NKAIN3: variants seen among roughly 807,000 people sequenced by gnomAD.
The protein encoded by NKAIN3 is sodium/potassium-transporting ATPase subunit beta-1-interacting protein 3.
In NKAIN3, 25 loss-of-function variants were observed where a neutral mutation model predicts 30.2. That is an observed-to-expected ratio of 0.83 (90% CI 0.60 to 1.16). The LOEUF (loss-of-function observed/expected upper bound fraction) is 1.16. Ranked by LOEUF, NKAIN3 falls within the 50% of genes most tolerant of loss-of-function variation. The pLI is 0.00. For synonymous variants in NKAIN3, 91 were observed against 89.6 expected (o/e 1.02, Z -0.09); for missense variants, 225 against 254.1 (o/e 0.89, Z 0.78).
intron 4 of NKAIN3, among the ~76,000 whole-genome samples, chr8:62,871,980 C>T (rs755959929): frequency 1.1e-4 from 17 of 152,172 alleles, no homozygotes; most frequent in Non-Finnish European, 8.8e-5. Context: ...AATGACAAAC[C>T]ACATATACAA....
intron 4 of NKAIN3, among the ~76,000 whole-genome samples, chr8:62,918,016 G>T (rs1822159701): frequency 6.6e-6 from 1 of 152,140 alleles, no homozygotes; most frequent in African/African-American, 2.4e-5. Flanking sequence ...AAATAATTAA[G>T]TAGATGATTG....
At chr8:62,364,009 G>A (rs1816647182) in intron 1 of NKAIN3, among the ~76,000 whole-genome samples, 1 of 152,070 alleles carries the variant, frequency 6.6e-6, no homozygotes, top group African/African-American at 2.4e-5. Context: ...GGGTGAAATG[G>A]TTACCCAGAA....
chr8:62,539,187 T>C (rs909387064), intron 1 of NKAIN3, among the ~76,000 whole-genome samples: 1 of 152,200 alleles, frequency 6.6e-6, no homozygotes, highest in African/African-American at 2.4e-5. Context: ...TCCATTCCTT[T>C]TGAGCTTGAA....
chr8:62,629,820 C>T (rs540533295), intron 3 of NKAIN3, among the ~76,000 whole-genome samples: 1 of 152,140 alleles, frequency 6.6e-6, no homozygotes, highest in South Asian at 2.1e-4. Context: ...TTTCATTAAG[C>T]ATATGAATTT....
chr8:62,858,766 G>A (rs536072805), intron 4 of NKAIN3, among the ~76,000 whole-genome samples: 123 of 152,340 alleles, frequency 8.1e-4, no homozygotes, highest in Middle Eastern at 3.4e-3. Context: ...CTCCCCTCAG[G>A]GCCCCATTTC....
At chr8:62,339,932 G>A (rs765609186) in intron 1 of NKAIN3, among the ~76,000 whole-genome samples, 3 of 151,916 alleles carry the variant, frequency 2.0e-5, no homozygotes, top group Non-Finnish European at 2.9e-5. Flanking sequence ...GAGAGAAATG[G>A]GTCTCAACTG....
chr8:62,591,298 C>G (rs1563473768), intron 3 of NKAIN3, among the ~76,000 whole-genome samples: 3 of 151,846 alleles, frequency 2.0e-5, no homozygotes, highest in Admixed American at 2.0e-4. Flanking sequence ...GAGTCCAAAT[C>G]TGGTCTTCAG....
At chr8:62,552,503 A>G (rs1172145907) in intron 1 of NKAIN3, among the ~76,000 whole-genome samples, 1 of 152,226 alleles carries the variant, frequency 6.6e-6, no homozygotes, top group African/African-American at 2.4e-5. Context: ...TAATGAGTGA[A>G]GGAGCATCCA....
intron 4 of NKAIN3, among the ~76,000 whole-genome samples, chr8:62,869,926 C>T (rs943864168): frequency 1.3e-5 from 2 of 152,016 alleles, no homozygotes; most frequent in South Asian, 2.1e-4. Flanking sequence ...CTCGCCACCA[C>T]GCCCAGCTAA....
intron 1 of NKAIN3, among the ~76,000 whole-genome samples, chr8:62,558,728 TG>T (rs1278120024): frequency 2.0e-5 from 3 of 152,036 alleles, no homozygotes; most frequent in African/African-American, 7.2e-5. Flanking sequence ...CCTGCACACT[TG>T]GGTTTATTTT....
At chr8:62,521,772 A>C (rs1050985527) in intron 1 of NKAIN3, among the ~76,000 whole-genome samples, 25 of 152,202 alleles carry the variant, frequency 1.6e-4, no homozygotes, top group African/African-American at 6.0e-4. Flanking sequence ...AATTCAAGAA[A>C]GAATGATTCT....
At chr8:62,566,036 C>T (rs915930164) in intron 1 of NKAIN3, among the ~76,000 whole-genome samples, 2 of 152,174 alleles carry the variant, frequency 1.3e-5, no homozygotes, top group Non-Finnish European at 2.9e-5. Flanking sequence ...GTCAATCCAT[C>T]ATCCTTGTAA....
At chr8:62,774,260 C>T (rs1396099503) in intron 4 of NKAIN3, among the ~76,000 whole-genome samples, 1 of 152,060 alleles carries the variant, frequency 6.6e-6, no homozygotes, top group African/African-American at 2.4e-5. Flanking sequence ...GATTTTGTAT[C>T]CTGCAACTTT....
intron 4 of NKAIN3, among the ~76,000 whole-genome samples, chr8:62,843,418 C>T (rs765240785): frequency 1.8e-4 from 27 of 151,740 alleles, no homozygotes; most frequent in South Asian, 8.3e-4. Flanking sequence ...CTCACTGCAA[C>T]CTCCACCTCA....
chr8:62,310,610 A>G (rs537097017), intron 1 of NKAIN3, among the ~76,000 whole-genome samples: 3 of 150,444 alleles, frequency 2.0e-5, no homozygotes, highest in African/African-American at 7.5e-5. Context: ...TTAGTCCATA[A>G]GATTCGAAAG....
At chr8:62,415,183 TACA>T (rs1721592670) in intron 1 of NKAIN3, among the ~76,000 whole-genome samples, 1 of 142,214 alleles carries the variant, frequency 7.0e-6, no homozygotes, top group Admixed American at 7.4e-5. Flanking sequence ...TATATTATAT[TACA>T]ATATACTATA....
chr8:62,520,537 C>G lies in NKAIN3; in HGVS notation c.55-59002C>G, dbSNP rs946943852. 3.3e-5 allele frequency among the ~76,000 whole-genome samples: 5 copies of G among 152,166 alleles called. No individual in the cohort carries two copies. The East Asian group carries it at 9.7e-4, about 29-fold the overall frequency. On this transcript the variant is annotated intron_variant, in intron 1 of 6. Transcript: ENST00000623646. ...CCTGAAACACATCTTAAACTGGGTG[C>G]TAAATTTTTATCGGCAGTACTTGAA...
chr8:62,942,567 T>C (rs1443371999), intron 5 of NKAIN3, among the ~76,000 whole-genome samples: 1 of 146,740 alleles, frequency 6.8e-6, no homozygotes, highest in Non-Finnish European at 1.5e-5. Context: ...AGAGCCCACA[T>C]AGCCAAGTCA....
chr8:62,331,359 A>G (rs941677110), intron 1 of NKAIN3, among the ~76,000 whole-genome samples: 1 of 151,942 alleles, frequency 6.6e-6, no homozygotes, highest in Non-Finnish European at 1.5e-5. Context: ...CCTGATGCCT[A>G]TCTCCCCTAG....
Sources: gnomAD v4.1 joint callset for allele counts (sites outside exome capture counted in the v4.1 genomes callset) on GRCh38, gnomAD v4.1.1 for gene constraint, MANE v1.5 for transcripts, NCBI Gene and HGNC (gene_info 2026-07-23, HGNC 2026-07-21) for gene names.